MPPED2: variants seen among roughly 807,000 people sequenced by gnomAD.
The protein encoded by MPPED2 is metallophosphoesterase MPPED2.
A neutral mutation model predicts 33.0 loss-of-function variants in MPPED2; 5 were observed. That is an observed-to-expected ratio of 0.15 (90% CI 0.08 to 0.32). The LOEUF is 0.32. MPPED2 is among the 10% of genes least tolerant of loss of function. The pLI, the probability that MPPED2 is intolerant of heterozygous loss-of-function variation, is 1.00. For synonymous variants in MPPED2, 136 were observed against 141.9 expected, an observed-to-expected ratio of 0.96 and a Z score of 0.29; for missense variants, 275 against 372.1, an observed-to-expected ratio of 0.74 and a Z score of 2.15.
chr11:30,436,477 G>C (rs1313857535), intron 4 of MPPED2, among the ~76,000 whole-genome samples: 1 of 152,142 alleles, frequency 6.6e-6, no homozygotes, highest in African/African-American at 2.4e-5. Flanking sequence ...AGAGTCTAAG[G>C]CAACCCTCCT....
At chr11:30,525,045 A>G (rs1034130091) in intron 3 of MPPED2, among the ~76,000 whole-genome samples, 3 of 152,198 alleles carry the variant, frequency 2.0e-5, no homozygotes, top group Non-Finnish European at 4.4e-5. Context: ...ATCATATCAG[A>G]AGGAAAGACA....
Position 30,411,099 on chromosome 11 carries a change from T to G in MPPED2, c.*369A>C. ...TCTTAAACAGTTGTGCAAATCTGTG[T>G]TGGTTTTTAAAACACTGCCTGTTTC... On this transcript the variant is annotated 3_prime_UTR_variant, in exon 7 of 7. Coordinates refer to ENST00000358117, the MANE Select transcript of MPPED2 (RefSeq NM_001584.3). 1 of 990,480 alleles carries G rather than the reference T, an allele frequency of 1.0e-6. No individual in the cohort carries two copies. Among genetic ancestry groups the G allele is most frequent in the Non-Finnish European group, 1.2e-6 (1 of 832,910 alleles). The allele number at this position is 990,480 out of a possible 1,614,324, so 61.4% of individuals were successfully genotyped here.
At chr11:30,578,411 A>G (rs1046411492) in intron 2 of MPPED2, among the ~76,000 whole-genome samples, 3 of 152,216 alleles carry the variant, frequency 2.0e-5, no homozygotes, top group Non-Finnish European at 4.4e-5. Context: ...ACAGCTGTCT[A>G]GGTTGCCCCA....
At chr11:30,399,624 T>C (rs754579609) in intron 6 of MPPED2, among the ~76,000 whole-genome samples, 1 of 152,190 alleles carries the variant, frequency 6.6e-6, no homozygotes, top group Non-Finnish European at 1.5e-5. Flanking sequence ...AAATGGACAA[T>C]GGGTGAAGAT....
intron 3 of MPPED2, among the ~76,000 whole-genome samples, chr11:30,515,741 A>G (rs912341808): frequency 2.0e-5 from 3 of 152,152 alleles, no homozygotes; most frequent in Admixed American, 6.6e-5. Flanking sequence ...CTTCTTGACA[A>G]CCTTACTAAT....
At chr11:30,483,477 A>G (rs536395179) in intron 4 of MPPED2, among the ~76,000 whole-genome samples, 1 of 152,228 alleles carries the variant, frequency 6.6e-6, no homozygotes, top group Admixed American at 6.5e-5. Context: ...CCCTTAAATC[A>G]TAACACCAAA....
intron 5 of MPPED2, among the ~76,000 whole-genome samples, chr11:30,416,477 A>AG (rs1299600895): frequency 6.6e-6 from 1 of 152,146 alleles, no homozygotes; most frequent in African/African-American, 2.4e-5. Flanking sequence ...ATGGCAAAGG[A>AG]GGGGGGTAAC....
chr11:30,447,605 G>A (rs1250576850), intron 4 of MPPED2, among the ~76,000 whole-genome samples: 2 of 152,186 alleles, frequency 1.3e-5, no homozygotes, highest in African/African-American at 4.8e-5. Flanking sequence ...ACAAGAGCCA[G>A]CACTCGCTGG....
chr11:30,552,699 G>A (rs932017396), intron 2 of MPPED2, among the ~76,000 whole-genome samples: 1 of 151,952 alleles, frequency 6.6e-6, no homozygotes, highest in Admixed American at 6.6e-5. Flanking sequence ...ACTGGCTGTG[G>A]GATATTTCAC....
intron 2 of MPPED2, among the ~76,000 whole-genome samples, chr11:30,547,816 GTTTGCATATCTGTA>G (rs144527531): frequency 0.19 from 28,154 of 151,968 alleles, 3,055 homozygotes; most frequent in Non-Finnish European, 0.25. Flanking sequence ...TCTGACAGGT[GTTTGCATATCTGTA>G]TTTGAGTCAA....
At chr11:30,486,422 A>G (rs908175388) in intron 4 of MPPED2, among the ~76,000 whole-genome samples, 80 of 152,306 alleles carry the variant, frequency 5.3e-4, no homozygotes, top group African/African-American at 1.9e-3. Context: ...AAAAGGGAAT[A>G]CTGTATATTT....
At chr11:30,388,967 G>A (rs760190152) in intron 6 of MPPED2, 1 of 1,552,270 alleles carries the variant, frequency 6.4e-7, no homozygotes, top group Non-Finnish European at 8.7e-7. Context: ...CTAAAGGGGA[G>A]AGAGAGAAAG....
intron 4 of MPPED2, among the ~76,000 whole-genome samples, chr11:30,463,865 TAC>T (rs1491058485): frequency 8.9e-4 from 89 of 99,960 alleles, no homozygotes; most frequent in African/African-American, 2.5e-3. Context: ...TATATATATA[TAC>T]ACACACACAC....
intron 4 of MPPED2, 82 bp downstream of exon 4, chr11:30,495,214 T>C (rs771188442): frequency 1.4e-5 from 13 of 953,152 alleles, no homozygotes; most frequent in Non-Finnish European, 2.2e-5. Flanking sequence ...ATCATTTTCA[T>C]TTAAAGCATC....
intron 4 of MPPED2, among the ~76,000 whole-genome samples, chr11:30,439,034 A>G (rs1302566238): frequency 1.3e-5 from 2 of 152,242 alleles, no homozygotes; most frequent in African/African-American, 2.4e-5. Flanking sequence ...CAAAATGCTT[A>G]CAAGAAACTC....
Position 30,414,271 on chromosome 11 carries a change from C to A in MPPED2, c.723G>T (p.Arg241Ser), listed in dbSNP as rs1320170019. The change falls in exon 6 of 7, where the codon AGG becomes AGT. Residue 241 changes from arginine to serine, a missense_variant. Physicochemically the swap from Arg to Ser is moderately radical, Grantham distance 110. Transcript: ENST00000358117. ...ACACATGGAGCTTGGGCCGGACTCG[C>A]CTCTGAACCGTGTTTAACAGCTCCA... ...GCVELLNTVQRRVRPKLHVFG... is the reference protein window; with the variant it reads ...GCVELLNTVQSRVRPKLHVFG... 2.5e-5 allele frequency: 41 copies of A among 1,613,910 alleles called. No individual in the cohort carries two copies. The highest frequency in any genetic ancestry group is 3.5e-5 in the Non-Finnish European group (41 of 1,179,918).
At chr11:30,556,103 A>G (rs1955951583) in intron 2 of MPPED2, among the ~76,000 whole-genome samples, 1 of 152,188 alleles carries the variant, frequency 6.6e-6, no homozygotes, top group Admixed American at 6.5e-5. Flanking sequence ...TCTCTCCTGC[A>G]TTATCATCAA....
At chr11:30,412,634 C>G (rs143727158) in intron 6 of MPPED2, among the ~76,000 whole-genome samples, 1 of 152,138 alleles carries the variant, frequency 6.6e-6, no homozygotes. Flanking sequence ...TTAAAATCTG[C>G]GCTGTTTAGT....
chr11:30,573,745 T>C (rs949042156), intron 2 of MPPED2, among the ~76,000 whole-genome samples: 1 of 152,184 alleles, frequency 6.6e-6, no homozygotes, highest in Non-Finnish European at 1.5e-5. Flanking sequence ...AGTGATGAAA[T>C]CTGAGATTTT....
Sources: allele counts gnomAD v4.1 joint callset (sites outside exome capture counted in the v4.1 genomes callset), GRCh38; gene constraint gnomAD v4.1.1; transcripts MANE v1.5; gene names NCBI Gene and HGNC (gene_info 2026-07-23, HGNC 2026-07-21).